Variants in LNPEP observed in about 807,000 individuals in gnomAD.
LNPEP encodes leucyl and cystinyl aminopeptidase.
Under a neutral mutation model 120.6 loss-of-function variants are expected in LNPEP, and 64 were observed. The ratio of observed to expected loss-of-function variants is 0.53; its 90% CI spans 0.43 to 0.65. LNPEP has a LOEUF of 0.65. Among genes scored for constraint, LNPEP ranks in the 30% least tolerant of loss-of-function variants. The pLI is 0.00. For missense variants in LNPEP, 1,057 were observed against 1,200.0 expected (o/e 0.88, Z 1.76); for synonymous variants, 435 against 425.4 (o/e 1.02, Z -0.28).
At chr5:96,944,198 A>G (rs561934976) in intron 1 of LNPEP, among the ~76,000 whole-genome samples, 3 of 152,340 alleles carry the variant, frequency 2.0e-5, no homozygotes, top group African/African-American at 4.8e-5. Flanking sequence ...TATTTTGTCA[A>G]ATTTAAAACA....
Position 97,006,443 on chromosome 5 carries a change from C to A in LNPEP, c.1963C>A (p.Pro655Thr). Residue 655 changes from proline (P) to threonine (T), a missense_variant, in exon 11 of 18, where the codon CCA becomes ACA. Transcript: ENST00000231368. ...PSDTSYLWHIPLSYVTEGRNY... is the reference protein window; with the variant it reads ...PSDTSYLWHITLSYVTEGRNY... Reference sequence around the variant, plus strand: ...TCTTTACAGCTACCTGTGGCATATTCCACTATCCTATGTCACTGAAGGAAG... The same window carrying A: ...TCTTTACAGCTACCTGTGGCATATTACACTATCCTATGTCACTGAAGGAAG... 1 of 1,573,580 alleles carries A rather than the reference C, an allele frequency of 6.4e-7. No individual in the cohort carries two copies. Among genetic ancestry groups the A allele is most frequent in the Non-Finnish European group, 8.7e-7 (1 of 1,145,464 alleles).
chr5:96,979,289 T>A lies in LNPEP; in HGVS notation c.171T>A (p.Gly57=). 1 of 1,613,718 alleles carries A rather than the reference T, an allele frequency of 6.2e-7. No homozygotes were observed. Among genetic ancestry groups the A allele is most frequent in the African/African-American group, 1.3e-5 (1 of 74,914 alleles). ...EPRGSRLLVR[G]LGEHEMEEDE... The stretch of plus-strand genomic sequence containing the variant: ...GGGGTTCCCGACTGCTGGTGCGGGG[T>A]CTTGGTGAGCATGAGATGGAGGAGG... The change falls in exon 2 of 18, where the codon GGT becomes GGA. Residue 57 remains glycine (G), a synonymous_variant. Coordinates refer to ENST00000231368, the MANE Select transcript of LNPEP (RefSeq NM_005575.3).
intron 12 of LNPEP, 58 bp downstream of exon 12, chr5:97,013,889 AG>A (rs1790997729): frequency 2.4e-6 from 3 of 1,252,200 alleles, no homozygotes; most frequent in Non-Finnish European, 3.3e-6. Flanking sequence ...ATTGAGGTAA[AG>A]AACATATATG....
At chr5:97,023,618 T>C (rs565274587) in intron 14 of LNPEP, among the ~76,000 whole-genome samples, 1 of 152,302 alleles carries the variant, frequency 6.6e-6, no homozygotes, top group South Asian at 2.1e-4. Flanking sequence ...ATTTTGTTTA[T>C]CCATTCATTC....
At chr5:96,979,091 T>G (rs79631011) in intron 1 of LNPEP, 47 bp from the exon 2 acceptor site, 74,370 of 1,522,746 alleles carry the variant, frequency 0.049, 2,133 homozygotes, top group Middle Eastern at 0.098. Flanking sequence ...ATTATGAGCT[T>G]TTTTTTTTCT....
chr5:97,018,179 C>T (rs1791109968), intron 13 of LNPEP, among the ~76,000 whole-genome samples: 1 of 152,046 alleles, frequency 6.6e-6, no homozygotes, highest in African/African-American at 2.4e-5. Flanking sequence ...TAGTGCATAT[C>T]ACTCACTTTT....
chr5:96,979,423 C>T lies in LNPEP; in HGVS notation c.305C>T (p.Ala102Val), dbSNP rs1458974190. ...ATGYRQSPDG[A>V]CSVPSARTMV... ...GGTTACAGGCAGAGCCCAGATGGGG[C>T]TTGTTCAGTACCCTCTGCAAGGACC... The change falls in exon 2 of 18, where the codon GCT becomes GTT. Residue 102 changes from alanine (A) to valine (V), a missense_variant. By Grantham distance (64) the Ala-to-Val change is moderately conservative (BLOSUM62 0). Coordinates refer to ENST00000231368, the MANE Select transcript of LNPEP (RefSeq NM_005575.3). The T allele has an allele frequency of 1.9e-6, 3 of 1,613,958 alleles. No individual in the cohort carries two copies. Among genetic ancestry groups the T allele is most frequent in the Admixed American group, 3.3e-5 (2 of 59,978 alleles).
At chr5:96,963,219 A>G (rs1401266804) in intron 1 of LNPEP, among the ~76,000 whole-genome samples, 1 of 152,214 alleles carries the variant, frequency 6.6e-6, no homozygotes, top group East Asian at 1.9e-4. Flanking sequence ...ATACCAAAAC[A>G]TTAATTGTGA....
At chr5:97,024,470 G>A (rs776619031) in intron 14 of LNPEP, 51 bp from the exon 15 acceptor site, 1 of 1,552,062 alleles carries the variant, frequency 6.4e-7, no homozygotes. Flanking sequence ...CTTCGCCTTT[G>A]TATTCAGAAT....
chr5:96,982,607 C>T (rs1178366640), intron 2 of LNPEP, among the ~76,000 whole-genome samples: 1 of 152,138 alleles, frequency 6.6e-6, no homozygotes, highest in Non-Finnish European at 1.5e-5. Context: ...TCCCTGGTCC[C>T]TTATGCTTCT....
chr5:96,957,557 C>G (rs1789499657), intron 1 of LNPEP, among the ~76,000 whole-genome samples: 1 of 152,026 alleles, frequency 6.6e-6, no homozygotes, highest in Admixed American at 6.6e-5. Context: ...GAAAGTGAGG[C>G]AGAAGAGTCA....
At chr5:96,968,184 G>A (rs1349682246) in intron 1 of LNPEP, among the ~76,000 whole-genome samples, 1 of 152,026 alleles carries the variant, frequency 6.6e-6, no homozygotes, top group African/African-American at 2.4e-5. Context: ...TGTGTAGTGG[G>A]GAGAGAGTGA....
Position 97,024,548 on chromosome 5 carries a change from G to A in LNPEP, c.2589G>A (p.Val863=), listed in dbSNP as rs754335392. ...TACCTACTGATGTCATGACAACTGTGTTCAAAGTTGGAGCAAAAACTGACA... is the reference window on the plus strand; with the variant it reads ...TACCTACTGATGTCATGACAACTGTATTCAAAGTTGGAGCAAAAACTGACA... ...QSLPTDVMTT[V]FKVGAKTDKG... Residue 863 remains valine, a synonymous_variant, in exon 15 of 18, where the codon GTG becomes GTA. Transcript: ENST00000231368. 4 of 1,614,012 alleles carry A rather than the reference G, an allele frequency of 2.5e-6. No individual in the cohort carries two copies. The highest frequency in any genetic ancestry group is 3.4e-6 in the Non-Finnish European group (4 of 1,179,922).
chr5:96,974,283 C>T (rs1375909892), intron 1 of LNPEP, among the ~76,000 whole-genome samples: 1 of 152,076 alleles, frequency 6.6e-6, no homozygotes, highest in Admixed American at 6.5e-5. Flanking sequence ...GATGTCTTTG[C>T]TTGCACTTGT....
chr5:96,937,795 A>G (rs1210415011), intron 1 of LNPEP: 1 of 152,216 alleles, frequency 6.6e-6, no homozygotes, highest in Non-Finnish European at 1.5e-5. Flanking sequence ...CTTATAGAAT[A>G]TGCTTCTAGA....
At chr5:96,967,824 C>T (rs1197714447) in intron 1 of LNPEP, among the ~76,000 whole-genome samples, 1 of 152,084 alleles carries the variant, frequency 6.6e-6, no homozygotes, top group East Asian at 1.9e-4. Flanking sequence ...ACATTTATGG[C>T]AGGTTTCTTC....
intron 8 of LNPEP, among the ~76,000 whole-genome samples, chr5:96,999,985 T>TA (rs1269218118): frequency 6.6e-6 from 1 of 152,180 alleles, no homozygotes; most frequent in East Asian, 1.9e-4. Context: ...TAGCAAATCT[T>TA]ACAAATACTA....
intron 1 of LNPEP, among the ~76,000 whole-genome samples, chr5:96,946,531 A>T (rs2112562264): frequency 6.6e-6 from 1 of 152,356 alleles, no homozygotes; most frequent in South Asian, 2.1e-4. Context: ...AGGAAATATT[A>T]TTGCGATAAA....
At chr5:97,021,932 T>G (rs1224507280) in intron 13 of LNPEP, among the ~76,000 whole-genome samples, 101 of 135,838 alleles carry the variant, frequency 7.4e-4, no homozygotes, top group Admixed American at 2.0e-3. Flanking sequence ...TGTTTTTTTT[T>G]TTTTTTTTTT....
Sources: gnomAD v4.1 joint callset for allele counts (sites outside exome capture counted in the v4.1 genomes callset) on GRCh38, gnomAD v4.1.1 for gene constraint, MANE v1.5 for transcripts, NCBI Gene and HGNC (gene_info 2026-07-23, HGNC 2026-07-21) for gene names.